ULK4: variants seen among roughly 807,000 people sequenced by gnomAD.
ULK4 encodes the protein inactive serine/threonine-protein kinase ULK4.
Under a neutral mutation model 160.6 loss-of-function variants are expected in ULK4, and 133 were observed. The ratio of observed to expected loss-of-function variants is 0.83; its 90% confidence interval spans 0.72 to 0.96. The LOEUF (loss-of-function observed/expected upper bound fraction) is 0.96. ULK4 is among the 40% of genes least tolerant of loss of function. The pLI is 0.00. For synonymous variants in ULK4, 534 were observed against 539.8 expected (o/e 0.99, Z 0.15); for missense variants, 1,580 against 1,499.5 (o/e 1.05, Z -0.89).
At chr3:41,736,760 C>T (rs1315442531) in intron 22 of ULK4, among the ~76,000 whole-genome samples, 3 of 151,240 alleles carry the variant, frequency 2.0e-5, no homozygotes, top group Non-Finnish European at 4.4e-5. Context: ...GACATGAAGT[C>T]CTTGCCCATG....
At chr3:41,638,380 A>G (rs1160675950) in intron 30 of ULK4, among the ~76,000 whole-genome samples, 2 of 152,170 alleles carry the variant, frequency 1.3e-5, no homozygotes, top group Non-Finnish European at 2.9e-5. Context: ...TTTATCCTGT[A>G]AACAACTGAG....
intron 32 of ULK4, among the ~76,000 whole-genome samples, chr3:41,537,193 T>A (rs1322587932): frequency 1.6e-5 from 1 of 61,720 alleles, no homozygotes; most frequent in Non-Finnish European, 3.4e-5. Context: ...CCCCCAACCA[T>A]TTTTTTTTTG....
chr3:41,819,815 AATG>A (rs1475224007), intron 18 of ULK4, among the ~76,000 whole-genome samples: 1 of 152,238 alleles, frequency 6.6e-6, no homozygotes, highest in African/African-American at 2.4e-5. Context: ...AAATCAATCT[AATG>A]ATAATTGTAG....
Position 41,819,463 on chromosome 3 carries a change from A to G in ULK4, c.1808T>C (p.Leu603Ser), listed in dbSNP as rs17063572. The G allele has an allele frequency of 0.015, 24,161 of 1,613,760 alleles. 2,366 individuals are homozygous for G. The African/African-American group carries it at 0.24, about 16-fold the overall frequency. Residue 603 changes from leucine to serine, a missense_variant, in exon 19 of 37, where the codon TTG (leucine) becomes TCG (serine). Leu to Ser is a moderately radical substitution (Grantham distance 145). Transcript: ENST00000301831. ...KNPRECWAVPLAAYTVLMRCL... is the reference protein window; with the variant it reads ...KNPRECWAVPSAAYTVLMRCL... Reference sequence around the variant, plus strand: ...CCTCATTAGCACTGTGTATGCAGCCAAGGGAACAGCCCAGCACTCTCTAGG... The same window carrying G: ...CCTCATTAGCACTGTGTATGCAGCCGAGGGAACAGCCCAGCACTCTCTAGG...
intron 25 of ULK4, among the ~76,000 whole-genome samples, chr3:41,707,020 T>C (rs902081600): frequency 1.3e-5 from 2 of 151,978 alleles, no homozygotes; most frequent in African/African-American, 4.8e-5. Flanking sequence ...CATTTCCAAT[T>C]GGTTGTATAA....
At chr3:41,812,077 T>C (rs2040834652) in intron 19 of ULK4, among the ~76,000 whole-genome samples, 1 of 152,036 alleles carries the variant, frequency 6.6e-6, no homozygotes, top group South Asian at 2.1e-4. Context: ...CTTAAGCCAG[T>C]AGTTCAATAC....
intron 35 of ULK4, among the ~76,000 whole-genome samples, chr3:41,279,858 A>G (rs2079315021): frequency 6.6e-6 from 1 of 152,158 alleles, no homozygotes; most frequent in Non-Finnish European, 1.5e-5. Context: ...CAAATTGGAT[A>G]GAGTCAAGAC....
At chr3:41,691,975 T>C (rs1193527300) in intron 27 of ULK4, among the ~76,000 whole-genome samples, 1 of 129,212 alleles carries the variant, frequency 7.7e-6, no homozygotes, top group Non-Finnish European at 1.6e-5. Flanking sequence ...TTTTTGAGAC[T>C]GAGTCTCGCT....
At chr3:41,540,070 A>ATTT (rs2125951488) in intron 32 of ULK4, among the ~76,000 whole-genome samples, 1 of 152,110 alleles carries the variant, frequency 6.6e-6, no homozygotes, top group African/African-American at 2.4e-5. Context: ...AGTGTTTTTT[A>ATTT]TTTATTATTA....
chr3:41,706,085 T>C (rs1462486791), intron 25 of ULK4, among the ~76,000 whole-genome samples: 5 of 151,944 alleles, frequency 3.3e-5, no homozygotes, highest in Non-Finnish European at 5.9e-5. Flanking sequence ...CCAACCCCCT[T>C]ATCTGCGCTC....
In ULK4 at chr3:41,911,690, C is replaced by G. The variant is rs1698791743; in HGVS notation, c.897-31G>C. 3 of 1,537,470 alleles carry G rather than the reference C, an allele frequency of 2.0e-6. No individual in the cohort carries two copies. The African/African-American group carries it at 4.1e-5, about 21-fold the overall frequency. ...ATTGGAGAAAACCAACACAATCAAA[C>G]TTACTTTGGAGTTCTCTATAGTTTT... On this transcript the variant is annotated intron_variant, in intron 9 of 36. Transcript: ENST00000301831.
intron 17 of ULK4, among the ~76,000 whole-genome samples, chr3:41,878,309 A>T (rs1697384475): frequency 6.6e-6 from 1 of 152,178 alleles, no homozygotes; most frequent in African/African-American, 2.4e-5. Context: ...CTCCCACTGG[A>T]TGGAGATGAA....
intron 34 of ULK4, among the ~76,000 whole-genome samples, chr3:41,454,675 T>A (rs907478155): frequency 3.3e-5 from 5 of 152,148 alleles, no homozygotes; most frequent in African/African-American, 1.2e-4. Flanking sequence ...AGTGAAATTA[T>A]ATGTTTAAAA....
At chr3:41,316,363 G>A (rs2080143224) in intron 35 of ULK4, among the ~76,000 whole-genome samples, 1 of 152,126 alleles carries the variant, frequency 6.6e-6, no homozygotes, top group Non-Finnish European at 1.5e-5. Flanking sequence ...AAAAACCATT[G>A]AGTTGTACCT....
At chr3:41,479,474 G>T (rs1005194669) in intron 32 of ULK4, among the ~76,000 whole-genome samples, 1 of 152,204 alleles carries the variant, frequency 6.6e-6, no homozygotes, top group African/African-American at 2.4e-5. Flanking sequence ...GATGATCAAC[G>T]GGAAGGCAGG....
intron 17 of ULK4, among the ~76,000 whole-genome samples, chr3:41,861,897 C>A (rs1307979107): frequency 6.6e-6 from 1 of 152,160 alleles, no homozygotes; most frequent in Non-Finnish European, 1.5e-5. Context: ...TCTCCGCTCA[C>A]TGCAACCTCC....
At chr3:41,787,186 G>A (rs2040021901) in intron 21 of ULK4, among the ~76,000 whole-genome samples, 1 of 152,116 alleles carries the variant, frequency 6.6e-6, no homozygotes, top group African/African-American at 2.4e-5. Context: ...AGGTGCCCCA[G>A]CATTATCCCC....
intron 32 of ULK4, among the ~76,000 whole-genome samples, chr3:41,548,966 C>A (rs1284475624): frequency 6.6e-6 from 1 of 152,138 alleles, no homozygotes; most frequent in East Asian, 1.9e-4. Flanking sequence ...CATAAAGATA[C>A]TACACTGCTG....
At chr3:41,958,957 A>G (rs1012481173) in intron 1 of ULK4, among the ~76,000 whole-genome samples, 1 of 152,124 alleles carries the variant, frequency 6.6e-6, no homozygotes, top group Admixed American at 6.6e-5. Context: ...GCAGGGTGCA[A>G]TGACTCACGT....
Sources: gnomAD v4.1 joint callset for allele counts (sites outside exome capture counted in the v4.1 genomes callset) on GRCh38, gnomAD v4.1.1 for gene constraint, MANE v1.5 for transcripts, NCBI Gene and HGNC (gene_info 2026-07-23, HGNC 2026-07-21) for gene names.